The following IVD variants were observed in gnomAD, a reference collection of about 807,000 sequenced individuals.
IVD encodes isovaleryl-CoA dehydrogenase, mitochondrial.
IVD carries 31 observed loss-of-function variants against 51.3 expected under a neutral mutation model. That is an observed-to-expected ratio of 0.60 (90% confidence interval 0.45 to 0.81). The LOEUF is 0.81. Among genes scored for constraint, IVD ranks in the 40% least tolerant of loss-of-function variants. The pLI is 0.00. For missense variants in IVD, 475 were observed against 552.0 expected (o/e 0.86, Z 1.40); for synonymous variants, 205 against 219.4 (o/e 0.93, Z 0.58).
chr15:40,424,423 A>C, downstream of IVD: 2 of 299,834 alleles, frequency 6.7e-6, no homozygotes, highest in African/African-American at 2.3e-5. Context: ...CTCATCTCTA[A>C]AGCCTCAGGC....
downstream of IVD, chr15:40,435,727 T>C: frequency 1.0e-6 from 1 of 992,350 alleles, no homozygotes; most frequent in Non-Finnish European, 1.2e-6. Context: ...CTCTGCACCT[T>C]TGCTGAAACT....
At chr15:40,421,365 T>A, downstream of IVD, 1 of 985,480 alleles carries the variant, frequency 1.0e-6, no homozygotes, top group Non-Finnish European at 1.2e-6. Flanking sequence ...TTGGTTCTTG[T>A]GGGCGTGTTT....
chr15:40,423,807 G>A (rs1226899071), downstream of IVD, among the ~76,000 whole-genome samples: 1 of 152,190 alleles, frequency 6.6e-6, no homozygotes, highest in Non-Finnish European at 1.5e-5. Context: ...GAGAAGTTAT[G>A]CCCATACTTT....
At chr15:40,413,684 TTTG>T (rs1230805236) in intron 7 of IVD, among the ~76,000 whole-genome samples, 218 of 26,202 alleles carry the variant, frequency 8.3e-3, no homozygotes, top group Middle Eastern at 0.026. Flanking sequence ...GTTTTTTTTG[TTTG>T]TTTGTTTGTT....
intron 7 of IVD, among the ~76,000 whole-genome samples, chr15:40,431,153 TC>T (rs1892950370): frequency 2.6e-5 from 4 of 151,894 alleles, no homozygotes; most frequent in African/African-American, 9.7e-5. Flanking sequence ...TCTTTTTTTT[TC>T]TTCCTTTTTG....
chr15:40,429,031 A>G (rs1472001622), downstream of IVD, among the ~76,000 whole-genome samples: 1 of 152,084 alleles, frequency 6.6e-6, no homozygotes, highest in African/African-American at 2.4e-5. Flanking sequence ...GGGCTCAGCC[A>G]TCTTACACTA....
rs1892061282 is a variant in IVD at position 40,419,335 on chromosome 15, A to G, written c.*1072A>G. ...AGACCAGCCTGTCCAACGTGGTGAA[A>G]CCCCATCTCTACTAAAAATACAAAA... On this transcript the variant is annotated 3_prime_UTR_variant, in exon 12 of 12. Coordinates refer to ENST00000487418, the MANE Select transcript of IVD (RefSeq NM_002225.5). 1 of 744,258 alleles carries G rather than the reference A, an allele frequency of 1.3e-6. No homozygotes were observed. The highest frequency in any genetic ancestry group is 2.9e-5 in the Admixed American group (1 of 34,452). 46.1% of individuals were successfully genotyped at this position (744,258 alleles called of 1,614,324 possible).
chr15:40,413,292 C>CCGAGATCT, intron 7 of IVD: 8 of 623,638 alleles, frequency 1.3e-5, no homozygotes, highest in East Asian at 5.9e-5. Context: ...ACTGGCATCA[C>CCGAGATCT]ACACTCCGCA....
chr15:40,424,012 G>A (rs1892521352), downstream of IVD: 1 of 390,456 alleles, frequency 2.6e-6, no homozygotes, highest in South Asian at 2.2e-5. Context: ...TCTTGCAGGG[G>A]GCCGTTCCAG....
rs922229248 is a variant in IVD at position 40,416,062 on chromosome 15, A to G, written c.961-16A>G. 4 of 1,613,006 alleles carry G rather than the reference A, an allele frequency of 2.5e-6. No individual in the cohort carries two copies. The African/African-American group carries it at 5.3e-5, about 22-fold the overall frequency. ...GTGTTCCAGCATGTTGACCTGTGACATCCCTTTGTGCCCAGTTGATGCAGG... is the reference window on the plus strand; with the variant it reads ...GTGTTCCAGCATGTTGACCTGTGACGTCCCTTTGTGCCCAGTTGATGCAGG... On this transcript the variant is annotated splice_polypyrimidine_tract_variant and intron_variant, in intron 9 of 11. Transcript: ENST00000487418.
chr15:40,421,764 C>A (rs1437207464), downstream of IVD, among the ~76,000 whole-genome samples: 1 of 152,188 alleles, frequency 6.6e-6, no homozygotes, highest in African/African-American at 2.4e-5. Flanking sequence ...CCCATGTAAC[C>A]CTCTCAAGTC....
At chr15:40,413,427 T>C (rs1204308132) in intron 7 of IVD, among the ~76,000 whole-genome samples, 1 of 152,196 alleles carries the variant, frequency 6.6e-6, no homozygotes, top group Non-Finnish European at 1.5e-5. Flanking sequence ...CACGTTTTTG[T>C]AAAATATTTT....
At chr15:40,422,585 CTTTTTTTTTTTTTTTTTTTTTT>C (rs1157351420), downstream of IVD, among the ~76,000 whole-genome samples, 3 of 69,134 alleles carry the variant, frequency 4.3e-5, no homozygotes, top group Non-Finnish European at 7.6e-5. Context: ...GCCCGGCCGA[CTTTTTTTTTTTTTTTTTTTTTT>C]TTTTTTTTTT....
rs1326511413 is a variant in IVD at position 40,420,168 on chromosome 15, AC to A, written c.*1906del. On this transcript the variant is annotated 3_prime_UTR_variant, in exon 12 of 12. Coordinates refer to ENST00000487418, the MANE Select transcript of IVD (RefSeq NM_002225.5). ...GTCCGCAGGGGGGGCAGAGCAGAGG[AC>A]AGCGTGCTTTTGTGTACTGTTGGAA... is the stretch of plus-strand genomic sequence containing the variant. The A allele has an allele frequency of 6.8e-5, 67 of 985,670 alleles. No individual in the cohort carries two copies. The highest frequency in any genetic ancestry group is 7.0e-5 in the Non-Finnish European group (58 of 830,180). 61.1% of individuals were successfully genotyped at this position (985,670 alleles called of 1,614,324 possible). A position where few individuals can be genotyped will look rare whatever the true frequency, so the allele number is the denominator to read the frequency against.
In IVD at chr15:40,411,257, C is replaced by T; in HGVS notation, c.457-3C>T. 1.9e-6 allele frequency: 3 copies of T among 1,614,062 alleles called. No individual in the cohort carries two copies. Among genetic ancestry groups the T allele is most frequent in the Non-Finnish European group, 2.5e-6 (3 of 1,179,936 alleles). On this transcript the variant is annotated splice_polypyrimidine_tract_variant and splice_region_variant and intron_variant, in intron 4 of 11. Transcript: ENST00000487418. Reference sequence around the variant, plus strand: ...CAAGGCCTGTTGGGGGTTTTCCTTGCAGCTGATCAGTGGTGAGTACATCGG... The same window carrying T: ...CAAGGCCTGTTGGGGGTTTTCCTTGTAGCTGATCAGTGGTGAGTACATCGG...
chr15:40,422,585 C>CTTTTTTTTTTTTTTTT (rs1157351420), downstream of IVD, among the ~76,000 whole-genome samples: 322 of 69,104 alleles, frequency 4.7e-3, 23 homozygotes, highest in African/African-American at 5.1e-3. Flanking sequence ...GCCCGGCCGA[C>CTTTTTTTTTTTTTTTT]TTTTTTTTTT....
At chr15:40,428,410 C>T (rs903828867), downstream of IVD, among the ~76,000 whole-genome samples, 23 of 152,068 alleles carry the variant, frequency 1.5e-4, no homozygotes, top group Admixed American at 1.3e-3. Context: ...GTATACTCTA[C>T]GGTCCTTTGA....
At chr15:40,425,740 C>G (rs1027442741), downstream of IVD, among the ~76,000 whole-genome samples, 1 of 151,970 alleles carries the variant, frequency 6.6e-6, no homozygotes, top group Non-Finnish European at 1.5e-5. Context: ...CCAGGCTGGT[C>G]TCAGACTCCT....
chr15:40,408,029 T>C (rs1378070903), intron 3 of IVD, 39 bp downstream of exon 3: 2 of 1,581,298 alleles, frequency 1.3e-6, no homozygotes, highest in Admixed American at 1.7e-5. Flanking sequence ...ACTTTTCTTA[T>C]GTGCCCTTTA....
Sources: allele counts gnomAD v4.1 joint callset (sites outside exome capture counted in the v4.1 genomes callset), GRCh38; gene constraint gnomAD v4.1.1; transcripts MANE v1.5; gene names NCBI Gene and HGNC (gene_info 2026-07-23, HGNC 2026-07-21).